The following NCKAP1 variants were observed in gnomAD, a reference collection of about 807,000 sequenced individuals.
NCKAP1 encodes NCK associated protein 1.
A neutral mutation model predicts 151.2 loss-of-function variants in NCKAP1; 21 were observed. That is an observed-to-expected ratio of 0.14 (90% CI 0.10 to 0.20). The LOEUF is 0.20. Ranked by LOEUF, NCKAP1 falls within the 10% of genes least tolerant of loss-of-function variation. NCKAP1 has a pLI of 1.00. For synonymous variants in NCKAP1, 484 were observed against 451.8 expected (o/e 1.07, Z -0.90); for missense variants, 933 against 1,352.1 (o/e 0.69, Z 4.86).
intron 18 of NCKAP1, among the ~76,000 whole-genome samples, chr2:182,958,052 G>C (rs542047576): frequency 5.3e-5 from 8 of 152,334 alleles, no homozygotes; most frequent in Admixed American, 2.0e-4. Flanking sequence ...ATTAGGAAGG[G>C]CCTTGAATGC....
intron 18 of NCKAP1, among the ~76,000 whole-genome samples, chr2:182,961,501 T>C (rs1697451108): frequency 6.6e-6 from 1 of 152,118 alleles, no homozygotes; most frequent in East Asian, 1.9e-4. Context: ...CCACCACATG[T>C]TCTCACTCAT....
In NCKAP1 at chr2:182,953,913, T is replaced by C. The variant is rs189483988; in HGVS notation, c.2154-582A>G. 2.0e-5 allele frequency among the ~76,000 whole-genome samples: 3 copies of C among 152,334 alleles called. No homozygotes were observed. The East Asian group carries it at 5.8e-4, about 29-fold the overall frequency. Reference sequence around the variant, plus strand: ...TTAAGTATAAAGAGGGTTTTACAAATTGCTTTAACATGGTAAGTTGTTTGT... The same window carrying C: ...TTAAGTATAAAGAGGGTTTTACAAACTGCTTTAACATGGTAAGTTGTTTGT... On this transcript the variant is annotated intron_variant, in intron 20 of 30. Transcript: ENST00000361354.
At chr2:182,973,766 T>TC (rs1366593517) in intron 15 of NCKAP1, among the ~76,000 whole-genome samples, 1 of 152,182 alleles carries the variant, frequency 6.6e-6, no homozygotes, top group African/African-American at 2.4e-5. Context: ...GTGAATATTT[T>TC]CCCCTTCTTA....
intron 23 of NCKAP1, among the ~76,000 whole-genome samples, chr2:182,952,201 G>A (rs1376210743): frequency 1.3e-5 from 2 of 152,058 alleles, no homozygotes; most frequent in Non-Finnish European, 2.9e-5. Flanking sequence ...ACCTATTTTC[G>A]CTTTCCATTT....
intron 10 of NCKAP1, among the ~76,000 whole-genome samples, chr2:182,985,153 C>T (rs539869516): frequency 2.0e-5 from 3 of 152,206 alleles, no homozygotes; most frequent in African/African-American, 4.8e-5. Context: ...AGCACAGATA[C>T]GATGAGTAAA....
intron 6 of NCKAP1, among the ~76,000 whole-genome samples, chr2:182,996,559 G>A (rs536869824): frequency 3.3e-5 from 5 of 152,216 alleles, no homozygotes; most frequent in South Asian, 2.1e-4. Flanking sequence ...CCAGGTTCAC[G>A]CCATTCTCCT....
At chr2:183,035,173 T>C (rs1699078360) in intron 1 of NCKAP1, among the ~76,000 whole-genome samples, 1 of 152,094 alleles carries the variant, frequency 6.6e-6, no homozygotes, top group Non-Finnish European at 1.5e-5. Context: ...TCAAGTCTTT[T>C]CCCTAAAATC....
intron 14 of NCKAP1, among the ~76,000 whole-genome samples, chr2:182,977,226 T>C (rs567643093): frequency 1.3e-5 from 2 of 152,298 alleles, no homozygotes; most frequent in African/African-American, 4.8e-5. Context: ...CAGTGTCTCA[T>C]GCCTATAATC....
chr2:182,950,643 A>G (rs191381903), intron 23 of NCKAP1, among the ~76,000 whole-genome samples: 1 of 152,294 alleles, frequency 6.6e-6, no homozygotes, highest in East Asian at 1.9e-4. Context: ...ATTGCAGAAA[A>G]CTTTAAAAAT....
At chr2:182,990,209 T>TC (rs1296881598) in intron 8 of NCKAP1, among the ~76,000 whole-genome samples, 1 of 151,942 alleles carries the variant, frequency 6.6e-6, no homozygotes, top group East Asian at 1.9e-4. Flanking sequence ...TCTTTTTTTT[T>TC]CTCTTTTTGG....
At chr2:182,958,140 A>ATTTTC (rs776835923) in intron 18 of NCKAP1, among the ~76,000 whole-genome samples, 150 of 152,062 alleles carry the variant, frequency 9.9e-4, no homozygotes, top group Non-Finnish European at 1.3e-3. Context: ...ATGAGGAGAC[A>ATTTTC]TTTTCTTTTC....
At chr2:183,010,245 G>A (rs905148944) in intron 2 of NCKAP1, among the ~76,000 whole-genome samples, 2 of 152,140 alleles carry the variant, frequency 1.3e-5, no homozygotes, top group African/African-American at 2.4e-5. Flanking sequence ...CAGAAACAAC[G>A]AGTCACTTCT....
chr2:183,015,737 A>G (rs1006808124), intron 2 of NCKAP1, among the ~76,000 whole-genome samples: 4 of 151,854 alleles, frequency 2.6e-5, no homozygotes, highest in African/African-American at 7.2e-5. Context: ...GCCTTTATTA[A>G]TATTTAATTT....
At chr2:183,016,920 T>C (rs555341410) in intron 2 of NCKAP1, among the ~76,000 whole-genome samples, 11 of 152,288 alleles carry the variant, frequency 7.2e-5, no homozygotes, top group Middle Eastern at 3.4e-3. Flanking sequence ...AATGACATTA[T>C]AGTGGGGAAC....
chr2:182,949,074 G>GTCACTCT (rs1482394608), intron 23 of NCKAP1, among the ~76,000 whole-genome samples: 11 of 152,182 alleles, frequency 7.2e-5, no homozygotes, highest in African/African-American at 2.7e-4. Context: ...GAGTGATCTC[G>GTCACTCT]TCAAAGGCAA....
At chr2:183,007,027 C>CA (rs1698484985) in intron 2 of NCKAP1, among the ~76,000 whole-genome samples, 1 of 152,098 alleles carries the variant, frequency 6.6e-6, no homozygotes, top group Admixed American at 6.5e-5. Context: ...AGGCACCATA[C>CA]ATCCAGCTAA....
chr2:182,958,172 A>C (rs563752509), intron 18 of NCKAP1, among the ~76,000 whole-genome samples: 14 of 152,274 alleles, frequency 9.2e-5, no homozygotes, highest in African/African-American at 3.4e-4. Flanking sequence ...TTTGAGAAGG[A>C]GTTTCACTCT....
intron 30 of NCKAP1, 126 bp downstream of exon 30, chr2:182,926,689 AG>A (rs1324096761): frequency 1.8e-6 from 1 of 560,152 alleles, no homozygotes; most frequent in Non-Finnish European, 3.1e-6. Context: ...AATTTTAGAA[AG>A]GTGTGGCTTA....
At position 182,921,688 on chromosome 2, in the gene NCKAP1, T is replaced by C. The variant is rs953187692; in HGVS notation, c.*4014A>G. On this transcript the variant is annotated 3_prime_UTR_variant, in exon 31 of 31. Coordinates refer to ENST00000361354, the MANE Select transcript of NCKAP1 (RefSeq NM_013436.5). ...GATTGCTAATTTATCCCATTTTACT[T>C]AGGCCCAAAATGACAGGCTGAATAC... is the stretch of plus-strand genomic sequence containing the variant. 5 of 152,194 alleles carry C rather than the reference T, an allele frequency of 3.3e-5. No individual in the cohort carries two copies. Among genetic ancestry groups the C allele is most frequent in the Non-Finnish European group, 7.3e-5 (5 of 68,034 alleles). 9.4% of individuals were successfully genotyped at this position (152,194 alleles called of 1,614,324 possible).
Sources: gnomAD v4.1 joint callset for allele counts (sites outside exome capture counted in the v4.1 genomes callset) on GRCh38, gnomAD v4.1.1 for gene constraint, MANE v1.5 for transcripts, NCBI Gene and HGNC (gene_info 2026-07-23, HGNC 2026-07-21) for gene names.